The following SGO1 variants were observed in gnomAD, a reference collection of about 807,000 sequenced individuals.
SGO1 encodes shugoshin 1.
A neutral mutation model predicts 50.5 loss-of-function variants in SGO1; 39 were observed. That is an observed-to-expected ratio of 0.77 (90% CI 0.60 to 1.01). The LOEUF is 1.01. Among genes scored for constraint, SGO1 ranks in the 50% least tolerant of loss-of-function variants. SGO1 has a pLI of 0.00. For synonymous variants in SGO1, 191 were observed against 205.1 expected (o/e 0.93, Z 0.59); for missense variants, 638 against 606.0 (o/e 1.05, Z -0.55).
downstream of SGO1, among the ~76,000 whole-genome samples, chr3:20,167,486 G>A (rs1433535156): frequency 6.6e-6 from 1 of 152,036 alleles, no homozygotes; most frequent in South Asian, 2.1e-4. Flanking sequence ...AAAATCCATA[G>A]TTTTACATTC....
chr3:20,179,580 A>T (rs1050545131), intron 3 of SGO1, among the ~76,000 whole-genome samples: 1 of 152,064 alleles, frequency 6.6e-6, no homozygotes, highest in Non-Finnish European at 1.5e-5. Context: ...GCATGCCACC[A>T]CAACTGGCTA....
intron 8 of SGO1, among the ~76,000 whole-genome samples, chr3:20,164,023 A>G (rs1158881363): frequency 6.6e-6 from 1 of 152,132 alleles, no homozygotes; most frequent in Non-Finnish European, 1.5e-5. Flanking sequence ...AAGATTATCA[A>G]TCTACACAAA....
At chr3:20,177,877 T>TTTTATTTA (rs10662477) in intron 4 of SGO1, among the ~76,000 whole-genome samples, 3,682 of 151,148 alleles carry the variant, frequency 0.024, 112 homozygotes, top group Admixed American at 0.09. Context: ...AAATATGATA[T>TTTTATTTA]TTTATTTATT....
chr3:20,163,218 A>C (rs1700129357), intron 8 of SGO1, among the ~76,000 whole-genome samples: 1 of 152,184 alleles, frequency 6.6e-6, no homozygotes, highest in African/African-American at 2.4e-5. Flanking sequence ...ATCAAGAAGA[A>C]AGCACAAATA....
downstream of SGO1, among the ~76,000 whole-genome samples, chr3:20,168,450 T>C (rs1369749534): frequency 6.6e-6 from 1 of 151,764 alleles, no homozygotes; most frequent in Non-Finnish European, 1.5e-5. Context: ...TTTTCAACTA[T>C]TTAAAAACGT....
At chr3:20,177,450 A>T (rs1701524911) in intron 4 of SGO1, among the ~76,000 whole-genome samples, 1 of 152,196 alleles carries the variant, frequency 6.6e-6, no homozygotes, top group Admixed American at 6.5e-5. Context: ...AGGCATACGA[A>T]AGAACTGTCT....
downstream of SGO1, among the ~76,000 whole-genome samples, chr3:20,168,019 A>C (rs1166707180): frequency 6.6e-6 from 1 of 152,222 alleles, no homozygotes; most frequent in Non-Finnish European, 1.5e-5. Flanking sequence ...AAATCTCAAA[A>C]ACAATATTGA....
intron 4 of SGO1, among the ~76,000 whole-genome samples, chr3:20,177,475 C>A (rs1701529049): frequency 6.6e-6 from 1 of 152,162 alleles, no homozygotes; most frequent in African/African-American, 2.4e-5. Context: ...CAGTAGTTCT[C>A]ATCCAAGGGC....
At chr3:20,161,329 C>T (rs1700028102) in intron 8 of SGO1, 1 of 1,385,574 alleles carries the variant, frequency 7.2e-7, no homozygotes, top group East Asian at 2.8e-5. Context: ...GATGAGCTCA[C>T]AATAAAAAAT....
intron 3 of SGO1, among the ~76,000 whole-genome samples, chr3:20,183,031 T>A (rs1046252941): frequency 5.9e-5 from 9 of 151,498 alleles, no homozygotes; most frequent in African/African-American, 1.5e-4. Flanking sequence ...AAAAAAAAAA[T>A]ATTTGAGCAG....
chr3:20,185,301 C>T (rs755238417), intron 1 of SGO1, among the ~76,000 whole-genome samples: 53 of 152,138 alleles, frequency 3.5e-4, no homozygotes, highest in Non-Finnish European at 7.4e-4. Context: ...ATTTTAAAGG[C>T]AAAGCCTTAC....
chr3:20,184,075 C>A, intron 1 of SGO1, 41 bp from the exon 2 acceptor site: 3 of 1,480,222 alleles, frequency 2.0e-6, no homozygotes, highest in South Asian at 1.3e-5. Context: ...AGAATATTAT[C>A]AAATATAAAA....
chr3:20,180,579 G>A (rs1268788464), intron 3 of SGO1, among the ~76,000 whole-genome samples: 1 of 152,096 alleles, frequency 6.6e-6, no homozygotes, highest in Non-Finnish European at 1.5e-5. Context: ...ATGGGCTGGG[G>A]AGTGGCTGGG....
intron 3 of SGO1, among the ~76,000 whole-genome samples, chr3:20,179,659 G>A (rs1701792456): frequency 6.6e-6 from 1 of 151,958 alleles, no homozygotes; most frequent in Non-Finnish European, 1.5e-5. Flanking sequence ...GAACTCCTGG[G>A]CTCAAGCGAT....
chr3:20,177,049 A>AGCCT (rs1359259956), intron 4 of SGO1, among the ~76,000 whole-genome samples: 1 of 152,236 alleles, frequency 6.6e-6, no homozygotes, highest in Non-Finnish European at 1.5e-5. Context: ...TTTGTTGGTA[A>AGCCT]TATATGCTTT....
At chr3:20,177,635 C>A (rs758016626) in intron 4 of SGO1, among the ~76,000 whole-genome samples, 3 of 152,120 alleles carry the variant, frequency 2.0e-5, no homozygotes, top group African/African-American at 4.8e-5. Flanking sequence ...AATTATCTGG[C>A]CCACAATGTT....
intron 3 of SGO1, among the ~76,000 whole-genome samples, chr3:20,180,158 CGTG>C (rs1333337144): frequency 6.6e-6 from 1 of 151,904 alleles, no homozygotes; most frequent in Admixed American, 6.6e-5. Flanking sequence ...ATTAGCTGGG[CGTG>C]GTGGTGTTCC....
downstream of SGO1, among the ~76,000 whole-genome samples, chr3:20,167,477 A>G (rs1177786136): frequency 6.6e-6 from 1 of 152,192 alleles, no homozygotes; most frequent in Non-Finnish European, 1.5e-5. Context: ...ACTATATAAA[A>G]AATCCATAGT....
chr3:20,165,282 C>T (rs1700236885), downstream of SGO1, among the ~76,000 whole-genome samples: 2 of 152,128 alleles, frequency 1.3e-5, no homozygotes, highest in South Asian at 4.1e-4. Flanking sequence ...GCTTACTTAT[C>T]CCCTCCTCCC....
Sources: allele counts gnomAD v4.1 joint callset (sites outside exome capture counted in the v4.1 genomes callset), GRCh38; gene constraint gnomAD v4.1.1; transcripts MANE v1.5; gene names NCBI Gene and HGNC (gene_info 2026-07-23, HGNC 2026-07-21).